WWOX: variants seen among roughly 807,000 people sequenced by gnomAD.
The protein encoded by WWOX is WW domain-containing oxidoreductase.
Under a neutral mutation model 46.2 loss-of-function variants are expected in WWOX, and 69 were observed. The observed-to-expected ratio is 1.49, with a 90% CI of 1.23 to 1.82. WWOX has a LOEUF of 1.82. Among genes scored for constraint, WWOX ranks in the 40% most tolerant of loss-of-function variants. WWOX has a pLI of 0.00. For missense variants in WWOX, 919 were observed against 542.6 expected (o/e 1.69, Z -6.89); for synonymous variants, 359 against 202.6 (o/e 1.77, Z -6.56).
chr16:78,838,137 C>G (rs988961158), intron 8 of WWOX, among the ~76,000 whole-genome samples: 2 of 152,134 alleles, frequency 1.3e-5, no homozygotes, highest in South Asian at 2.1e-4. Context: ...TCCTTCAACT[C>G]TGTCAGGCTG....
At chr16:78,314,696 T>TC (rs1447080688) in intron 5 of WWOX, among the ~76,000 whole-genome samples, 1 of 67,078 alleles carries the variant, frequency 1.5e-5, no homozygotes, top group African/African-American at 1.2e-4. Flanking sequence ...GGGTTTTTTT[T>TC]TTTTGTTTTT....
At chr16:78,914,633 A>C (rs929042639) in intron 8 of WWOX, among the ~76,000 whole-genome samples, 2 of 151,898 alleles carry the variant, frequency 1.3e-5, no homozygotes, top group African/African-American at 4.8e-5. Context: ...TAATCCCAGC[A>C]CTTTGGGAGG....
chr16:78,874,594 G>A (rs1015400483), intron 8 of WWOX, among the ~76,000 whole-genome samples: 4 of 151,532 alleles, frequency 2.6e-5, no homozygotes, highest in Non-Finnish European at 4.4e-5. Flanking sequence ...TACAGATTCT[G>A]ATGGCAAGTG....
intron 5 of WWOX, among the ~76,000 whole-genome samples, chr16:78,250,647 A>G (rs1196389737): frequency 2.0e-5 from 3 of 152,138 alleles, no homozygotes; most frequent in Non-Finnish European, 4.4e-5. Flanking sequence ...ATGGGGTTTT[A>G]TTAGGAGGTT....
At chr16:78,703,488 C>T (rs2048268040) in intron 8 of WWOX, among the ~76,000 whole-genome samples, 1 of 151,800 alleles carries the variant, frequency 6.6e-6, no homozygotes, top group Non-Finnish European at 1.5e-5. Context: ...TGGTGGCTTG[C>T]ACCTGTAGCT....
intron 5 of WWOX, among the ~76,000 whole-genome samples, chr16:78,378,160 G>C (rs556475462): frequency 6.6e-6 from 1 of 151,898 alleles, no homozygotes; most frequent in Non-Finnish European, 1.5e-5. Flanking sequence ...GGCTTTGCTA[G>C]GGATCATTTT....
intron 5 of WWOX, among the ~76,000 whole-genome samples, chr16:78,204,359 A>G (rs1361670459): frequency 6.6e-6 from 1 of 152,190 alleles, no homozygotes; most frequent in Admixed American, 6.5e-5. Flanking sequence ...ATAATCACAT[A>G]TGAAGAATGG....
intron 8 of WWOX, among the ~76,000 whole-genome samples, chr16:78,615,256 T>G (rs1389928002): frequency 6.6e-6 from 1 of 152,182 alleles, no homozygotes; most frequent in African/African-American, 2.4e-5. Flanking sequence ...TGGGAGATCC[T>G]AAGTTTCAGG....
At chr16:79,137,194 G>A (rs951211278) in intron 8 of WWOX, among the ~76,000 whole-genome samples, 5 of 152,128 alleles carry the variant, frequency 3.3e-5, no homozygotes, top group South Asian at 2.1e-4. Flanking sequence ...GTAATGTGGC[G>A]GTTTTATTAT....
chr16:78,871,606 A>G (rs2134995), intron 8 of WWOX, among the ~76,000 whole-genome samples: 49,557 of 152,034 alleles, frequency 0.33, 8,629 homozygotes, highest in East Asian at 0.48. Context: ...TGCACTAGGT[A>G]ACAGGCTCTA....
chr16:78,866,030 CG>C (rs1203167558), intron 8 of WWOX, among the ~76,000 whole-genome samples: 1 of 152,158 alleles, frequency 6.6e-6, no homozygotes, highest in East Asian at 1.9e-4. Context: ...TCACAGCATC[CG>C]TGAGTCATAG....
chr16:78,140,957 T>A (rs2033965459), intron 4 of WWOX, among the ~76,000 whole-genome samples: 1 of 152,214 alleles, frequency 6.6e-6, no homozygotes, highest in Non-Finnish European at 1.5e-5. Context: ...AGTATGTAAC[T>A]CAGCTCTGCT....
intron 8 of WWOX, among the ~76,000 whole-genome samples, chr16:78,922,407 C>G (rs937889735): frequency 7.5e-5 from 11 of 146,492 alleles, no homozygotes; most frequent in Non-Finnish European, 1.3e-4. Context: ...GAGACAGTCT[C>G]TCATTCTGTC....
intron 8 of WWOX, among the ~76,000 whole-genome samples, chr16:78,537,164 G>A (rs1053820177): frequency 6.6e-6 from 1 of 152,054 alleles, no homozygotes; most frequent in African/African-American, 2.4e-5. Flanking sequence ...TGATCTGCCT[G>A]CCTCAGCCTC....
At chr16:79,061,143 T>TGTTGAG (rs1567522746) in intron 8 of WWOX, among the ~76,000 whole-genome samples, 1 of 152,170 alleles carries the variant, frequency 6.6e-6, no homozygotes, top group Non-Finnish European at 1.5e-5. Flanking sequence ...CAATCCTTTA[T>TGTTGAG]GTTGAGGGAG....
chr16:79,073,862 G>T (rs920911276), intron 8 of WWOX, among the ~76,000 whole-genome samples: 1 of 152,114 alleles, frequency 6.6e-6, no homozygotes, highest in Non-Finnish European at 1.5e-5. Flanking sequence ...GCTTATGTCT[G>T]TTCCAGGTAG....
chr16:78,998,152 C>T (rs1480276161), intron 8 of WWOX, among the ~76,000 whole-genome samples: 1 of 152,216 alleles, frequency 6.6e-6, no homozygotes, highest in African/African-American at 2.4e-5. Flanking sequence ...GCTGGGATTA[C>T]AGGCATGAGC....
At chr16:78,443,258 T>TC (rs1305605231) in intron 8 of WWOX, among the ~76,000 whole-genome samples, 1 of 150,044 alleles carries the variant, frequency 6.7e-6, no homozygotes, top group Non-Finnish European at 1.5e-5. Context: ...TGAGCTGACA[T>TC]CGCATCACTG....
At chr16:78,661,619 C>A (rs547892442) in intron 8 of WWOX, among the ~76,000 whole-genome samples, 1 of 137,768 alleles carries the variant, frequency 7.3e-6, no homozygotes, top group South Asian at 2.2e-4. Context: ...TAATAAATGT[C>A]TCTTGGAAGA....
Sources: allele counts gnomAD v4.1 joint callset (sites outside exome capture counted in the v4.1 genomes callset), GRCh38; gene constraint gnomAD v4.1.1; transcripts MANE v1.5; gene names NCBI Gene and HGNC (gene_info 2026-07-23, HGNC 2026-07-21).